Variants in CSMD1 observed in about 807,000 individuals in gnomAD.
The protein encoded by CSMD1 is CUB and sushi domain-containing protein 1.
A neutral mutation model predicts 417.5 loss-of-function variants in CSMD1; 213 were observed. That is an observed-to-expected ratio of 0.51 (90% CI 0.46 to 0.57). CSMD1 has a LOEUF of 0.57. Among genes scored for constraint, CSMD1 ranks in the 20% least tolerant of loss-of-function variants. The pLI is 0.00. For missense variants in CSMD1, 6,923 were observed against 4,529.7 expected (o/e 1.53, Z -15.17); for synonymous variants, 2,862 against 1,736.8 (o/e 1.65, Z -16.11).
Position 3,025,530 on chromosome 8 carries a change from A to G in CSMD1, c.7855+3789T>C, listed in dbSNP as rs546424092. Among the ~76,000 whole-genome samples the G allele has an allele frequency of 1.9e-4, 29 of 152,364 alleles. No homozygotes were observed. In the East Asian group the frequency reaches 5.4e-3, roughly 28 times the overall value. ...TGTTATTCCGAAACAGCTCTTCTAAAAATGGGATCCAAGAACTCCTGGACT... is the reference window on the plus strand; with the variant it reads ...TGTTATTCCGAAACAGCTCTTCTAAGAATGGGATCCAAGAACTCCTGGACT... On this transcript the variant is annotated intron_variant, in intron 51 of 69. Coordinates refer to ENST00000635120, the MANE Select transcript of CSMD1 (RefSeq NM_033225.6).
At chr8:4,124,324 G>T (rs1342853804) in intron 3 of CSMD1, among the ~76,000 whole-genome samples, 1 of 152,138 alleles carries the variant, frequency 6.6e-6, no homozygotes, top group African/African-American at 2.4e-5. Context: ...CCTCTATCAA[G>T]CTGATTCTAA....
intron 3 of CSMD1, among the ~76,000 whole-genome samples, chr8:4,225,956 A>G (rs1342720703): frequency 6.6e-6 from 1 of 152,102 alleles, no homozygotes; most frequent in Non-Finnish European, 1.5e-5. Flanking sequence ...TGTGAATTTC[A>G]TGTTGAGTTA....
chr8:3,753,038 C>T (rs553448497), intron 6 of CSMD1, among the ~76,000 whole-genome samples: 19 of 152,282 alleles, frequency 1.2e-4, no homozygotes, highest in Non-Finnish European at 2.4e-4. Flanking sequence ...AAACTGTCTC[C>T]GTGACCTGCT....
chr8:4,900,676 A>T (rs4875124), intron 1 of CSMD1, among the ~76,000 whole-genome samples: 1 of 152,136 alleles, frequency 6.6e-6, no homozygotes, highest in African/African-American at 2.4e-5. Context: ...GTCCAAGGAG[A>T]TTTGCAAATG....
intron 3 of CSMD1, among the ~76,000 whole-genome samples, chr8:4,228,535 A>C (rs556680494): frequency 3.3e-4 from 49 of 150,166 alleles, no homozygotes; most frequent in Non-Finnish European, 6.2e-4. Context: ...TGGCTCTTCT[A>C]CAACCCACTG....
At chr8:3,661,775 G>T (rs567699490) in intron 7 of CSMD1, among the ~76,000 whole-genome samples, 1 of 152,160 alleles carries the variant, frequency 6.6e-6, no homozygotes, top group Non-Finnish European at 1.5e-5. Flanking sequence ...GGGGTGACAG[G>T]CCTGAGCCAC....
intron 1 of CSMD1, among the ~76,000 whole-genome samples, chr8:4,900,562 C>A (rs77581911): frequency 0.046 from 7,003 of 152,226 alleles, 245 homozygotes; most frequent in Non-Finnish European, 0.065. Flanking sequence ...GCATGCTTCT[C>A]CCAGTGCCAC....
At chr8:4,049,429 A>G (rs1798309957) in intron 3 of CSMD1, among the ~76,000 whole-genome samples, 1 of 151,426 alleles carries the variant, frequency 6.6e-6, no homozygotes, top group Non-Finnish European at 1.5e-5. Flanking sequence ...CCCCAGCTCA[A>G]AAAACTACTG....
At chr8:3,760,165 C>G (rs1797913826) in intron 5 of CSMD1, among the ~76,000 whole-genome samples, 1 of 152,052 alleles carries the variant, frequency 6.6e-6, no homozygotes, top group South Asian at 2.1e-4. Flanking sequence ...TTGACATGCC[C>G]TATTTCTGGA....
chr8:4,658,539 T>C (rs1804383338), intron 1 of CSMD1, among the ~76,000 whole-genome samples: 2 of 152,246 alleles, frequency 1.3e-5, no homozygotes, highest in Admixed American at 1.3e-4. Flanking sequence ...GCTTCAGAAA[T>C]CAGACATTGA....
intron 10 of CSMD1, among the ~76,000 whole-genome samples, chr8:3,568,244 A>C (rs752354721): frequency 1.5e-4 from 23 of 152,290 alleles, no homozygotes; most frequent in African/African-American, 5.5e-4. Context: ...TCCCTAATCA[A>C]AGTTTCACAT....
At chr8:4,300,544 A>G (rs534800074) in intron 3 of CSMD1, among the ~76,000 whole-genome samples, 2 of 152,164 alleles carry the variant, frequency 1.3e-5, no homozygotes, top group South Asian at 2.1e-4. Context: ...ACATTTTATT[A>G]TTATTATGCT....
At chr8:3,000,977 C>T (rs1442373298) in intron 52 of CSMD1, among the ~76,000 whole-genome samples, 1 of 147,022 alleles carries the variant, frequency 6.8e-6, no homozygotes, top group African/African-American at 2.7e-5. Flanking sequence ...CTCACTCCCA[C>T]CATTTTTTTT....
chr8:3,990,578 T>C (rs1363988921), intron 5 of CSMD1, among the ~76,000 whole-genome samples: 1 of 152,244 alleles, frequency 6.6e-6, no homozygotes, highest in African/African-American at 2.4e-5. Flanking sequence ...GTGTCCCAAA[T>C]TTCAAATACG....
chr8:4,155,593 T>C (rs577794622), intron 3 of CSMD1, among the ~76,000 whole-genome samples: 3 of 152,334 alleles, frequency 2.0e-5, no homozygotes, highest in African/African-American at 7.2e-5. Flanking sequence ...TGAGTCATTT[T>C]TTCAGATAGA....
intron 3 of CSMD1, among the ~76,000 whole-genome samples, chr8:4,066,042 G>C (rs1799228871): frequency 1.3e-5 from 2 of 152,174 alleles, no homozygotes; most frequent in African/African-American, 4.8e-5. Context: ...GGAGCCCTAA[G>C]AAAGGAATGG....
intron 12 of CSMD1, among the ~76,000 whole-genome samples, chr8:3,444,282 C>T (rs996182944): frequency 6.6e-6 from 1 of 152,116 alleles, no homozygotes; most frequent in Non-Finnish European, 1.5e-5. Context: ...TGGTTTATCC[C>T]ACTGGATGGC....
intron 1 of CSMD1, among the ~76,000 whole-genome samples, chr8:4,642,692 T>G (rs1323093785): frequency 6.6e-6 from 1 of 152,222 alleles, no homozygotes; most frequent in Non-Finnish European, 1.5e-5. Flanking sequence ...CTCATTTAAT[T>G]CGTGCACAGC....
chr8:4,811,612 C>T (rs1324680136), intron 1 of CSMD1, among the ~76,000 whole-genome samples: 1 of 152,090 alleles, frequency 6.6e-6, no homozygotes, highest in African/African-American at 2.4e-5. Context: ...TCTTATAACA[C>T]ATTCACTTCA....
Sources: allele counts gnomAD v4.1 joint callset (sites outside exome capture counted in the v4.1 genomes callset), GRCh38; gene constraint gnomAD v4.1.1; transcripts MANE v1.5; gene names NCBI Gene and HGNC (gene_info 2026-07-23, HGNC 2026-07-21).